FAM228B: variants seen among roughly 807,000 people sequenced by gnomAD.
FAM228B encodes the protein family with sequence similarity 228 member B, also known as protein FAM228B.
In FAM228B, 38 loss-of-function variants were observed where a neutral mutation model predicts 42.6. The observed-to-expected ratio is 0.89, with a 90% CI of 0.69 to 1.17. The LOEUF (loss-of-function observed/expected upper bound fraction) is 1.17, where lower values mean the gene tolerates loss of function less well. FAM228B is among the 50% of genes most tolerant of loss of function. FAM228B has a pLI of 0.00. For synonymous variants in FAM228B, 109 were observed against 122.3 expected, an observed-to-expected ratio of 0.89 and a Z score of 0.72; for missense variants, 344 against 367.3, an observed-to-expected ratio of 0.94 and a Z score of 0.52.
chr2:24,108,306 CA>C (rs1665731534), intron 3 of FAM228B, among the ~76,000 whole-genome samples: 1 of 151,928 alleles, frequency 6.6e-6, no homozygotes, highest in South Asian at 2.1e-4. Flanking sequence ...AACAAACAAA[CA>C]AACAAACAAA....
chr2:24,097,718 G>T (rs1158638246), intron 3 of FAM228B, among the ~76,000 whole-genome samples: 1 of 152,132 alleles, frequency 6.6e-6, no homozygotes, highest in Non-Finnish European at 1.5e-5. Context: ...ATATTAGACA[G>T]ATCAACGAGA....
chr2:24,149,869 G>T lies in FAM228B; in HGVS notation c.686+2783G>T, dbSNP rs920284923. ...TTTTATTTTTTGTAAATCTGTTACT[G>T]GTTTTTTGATTTGCGGTTACCATGA... On this transcript the variant is annotated intron_variant, in intron 7 of 10. Transcript: ENST00000615575. 4.6e-5 allele frequency among the ~76,000 whole-genome samples: 7 copies of T among 152,114 alleles called. No individual in the cohort carries two copies. In the East Asian group the frequency reaches 1.2e-3, roughly 25 times the overall value.
intron 7 of FAM228B, among the ~76,000 whole-genome samples, chr2:24,158,416 T>C (rs1667210948): frequency 6.6e-6 from 1 of 151,968 alleles, no homozygotes; most frequent in Admixed American, 6.6e-5. Context: ...AGTCACTGAT[T>C]AAGTCTGTGA....
intron 5 of FAM228B, among the ~76,000 whole-genome samples, chr2:24,143,306 G>A (rs562202284): frequency 4.4e-4 from 66 of 151,290 alleles, no homozygotes; most frequent in Non-Finnish European, 6.6e-4. Context: ...TCAGCCTCCC[G>A]AGTAGCTGGG....
Position 24,155,361 on chromosome 2 carries a change from A to G in FAM228B, c.687-6145A>G, listed in dbSNP as rs185541861. Among the ~76,000 whole-genome samples the G allele has an allele frequency of 5.9e-4, 90 of 151,340 alleles. 1 individual carries two copies. The East Asian group carries it at 0.017, about 28-fold the overall frequency. ...AATGTCCTTTTTAGATGATTGTCAG[A>G]TTATCTTCTATGACCTCATACTTCT... On this transcript the variant is annotated intron_variant, in intron 7 of 10. Coordinates refer to ENST00000615575, the MANE Select transcript of FAM228B (RefSeq NM_001145710.2).
chr2:24,126,862 G>C (rs2151013755), intron 2 of FAM228B, among the ~76,000 whole-genome samples: 1 of 152,236 alleles, frequency 6.6e-6, no homozygotes, highest in Non-Finnish European at 1.5e-5. Flanking sequence ...CTGACTTCAT[G>C]ATCTGCCCGC....
intron 5 of FAM228B, among the ~76,000 whole-genome samples, chr2:24,140,553 CA>C (rs1441397118): frequency 6.6e-6 from 1 of 152,190 alleles, no homozygotes; most frequent in African/African-American, 2.4e-5. Flanking sequence ...CATTGCATCA[CA>C]AACACCAGTT....
intron 9 of FAM228B, 85 bp from the exon 10 acceptor site, chr2:24,167,542 C>G (rs1233298934): frequency 1.3e-6 from 2 of 1,523,058 alleles, no homozygotes; most frequent in African/African-American, 1.4e-5. Flanking sequence ...AATAAACAGC[C>G]TCTGGTTATG....
intron 7 of FAM228B, among the ~76,000 whole-genome samples, chr2:24,158,039 G>C (rs1667193680): frequency 6.6e-6 from 1 of 151,840 alleles, no homozygotes; most frequent in African/African-American, 2.4e-5. Flanking sequence ...AGTGATTCCT[G>C]TGTCCCTCAG....
intron 7 of FAM228B, among the ~76,000 whole-genome samples, chr2:24,158,613 G>T (rs1196389072): frequency 6.6e-6 from 1 of 152,070 alleles, no homozygotes; most frequent in Non-Finnish European, 1.5e-5. Context: ...TAGGACTGGA[G>T]GTTGGAGATC....
Position 24,077,252 on chromosome 2 carries a change from AAT to A in FAM228B, c.-290+286_-290+287del, listed in dbSNP as rs1248037693. On this transcript the variant is annotated intron_variant, in intron 1 of 10. Transcript: ENST00000613899. This position sits in a 1 kb window ranked among gnomAD's most constrained non-coding sequence, Gnocchi z 5.5. ...GGGCCTCTAGCTGTGCGCAAGGCGG[AAT>A]ATGTGGGGTTCTGGCGGCTTGTGTC... is the stretch of plus-strand genomic sequence containing the variant. 6.6e-6 allele frequency among the ~76,000 whole-genome samples: 1 copy of A among 152,074 alleles called. No individual in the cohort carries two copies. The highest frequency in any genetic ancestry group is 1.9e-4 in the East Asian group (1 of 5,148).
At chr2:24,162,828 G>T (rs576951068) in intron 8 of FAM228B, among the ~76,000 whole-genome samples, 1 of 152,284 alleles carries the variant, frequency 6.6e-6, no homozygotes, top group East Asian at 1.9e-4. Flanking sequence ...ATAACAAAAA[G>T]CTACATATAG....
intron 2 of FAM228B, among the ~76,000 whole-genome samples, chr2:24,087,661 A>C (rs1367631356): frequency 6.6e-6 from 1 of 151,774 alleles, no homozygotes; most frequent in African/African-American, 2.4e-5. Flanking sequence ...CCCAGGCTGG[A>C]GTGCAGTGGC....
intron 2 of FAM228B, chr2:24,083,043 C>T (rs745815336): frequency 1.9e-6 from 3 of 1,614,166 alleles, no homozygotes; most frequent in Non-Finnish European, 2.5e-6. Context: ...GGCTGTGTCC[C>T]CGATCTTCCA....
chr2:24,108,734 T>C (rs1036210725), intron 3 of FAM228B, among the ~76,000 whole-genome samples: 1 of 151,888 alleles, frequency 6.6e-6, no homozygotes, highest in Non-Finnish European at 1.5e-5. Context: ...ACCCTGTCTC[T>C]ACTAAAAATA....
intron 10 of FAM228B, 21 bp downstream of exon 10, chr2:24,167,704 C>T (rs971679912): frequency 1.3e-6 from 2 of 1,551,004 alleles, no homozygotes; most frequent in Non-Finnish European, 1.7e-6. Flanking sequence ...TCTCTCTTTC[C>T]CTTCTTACTC....
intron 7 of FAM228B, among the ~76,000 whole-genome samples, chr2:24,156,036 A>G (rs1261441260): frequency 2.0e-5 from 3 of 152,212 alleles, no homozygotes; most frequent in Admixed American, 1.3e-4. Flanking sequence ...GAGATTGGGA[A>G]GAAGCTCAAG....
chr2:24,147,133 A>G (rs1666915219), intron 7 of FAM228B, 47 bp downstream of exon 7: 2 of 1,303,280 alleles, frequency 1.5e-6, no homozygotes, highest in Non-Finnish European at 2.1e-6. Flanking sequence ...GGACTTTGAA[A>G]ATTCTTCAGA....
chr2:24,118,877 C>T (rs1228005244), upstream of FAM228B, among the ~76,000 whole-genome samples: 1 of 152,132 alleles, frequency 6.6e-6, no homozygotes, highest in African/African-American at 2.4e-5. Flanking sequence ...CTAGAGGCTT[C>T]TGTTTCAAAG....
Sources: allele counts gnomAD v4.1 joint callset (sites outside exome capture counted in the v4.1 genomes callset), GRCh38; gene constraint gnomAD v4.1.1; non-coding constraint Gnocchi (gnomAD v3.1); transcripts MANE v1.5; gene names NCBI Gene and HGNC (gene_info 2026-07-23, HGNC 2026-07-21).